CACNA2D3: variants seen among roughly 807,000 people sequenced by gnomAD.
CACNA2D3 encodes calcium voltage-gated channel auxiliary subunit alpha2delta 3.
CACNA2D3 carries 60 observed loss-of-function variants against 160.6 expected under a neutral mutation model. The ratio of observed to expected loss-of-function variants is 0.37; its 90% CI spans 0.30 to 0.46. The LOEUF (loss-of-function observed/expected upper bound fraction) is 0.46, where lower values mean the gene tolerates loss of function less well. CACNA2D3 is among the 20% of genes least tolerant of loss of function. CACNA2D3 has a pLI of 1.00. For synonymous variants in CACNA2D3, 558 were observed against 492.9 expected (o/e 1.13, Z -1.75); for missense variants, 1,205 against 1,365.0 (o/e 0.88, Z 1.85).
intron 2 of CACNA2D3, among the ~76,000 whole-genome samples, chr3:54,245,326 TGG>T (rs1358698408): frequency 2.0e-5 from 3 of 151,882 alleles, no homozygotes; most frequent in Admixed American, 1.3e-4. Flanking sequence ...TGTGTGTGTG[TGG>T]GAGAGAGAGA....
In CACNA2D3 at chr3:55,056,229, G is replaced by T. The variant is rs567198852; in HGVS notation, c.2988-17216G>T. 8.5e-5 allele frequency among the ~76,000 whole-genome samples: 13 copies of T among 152,142 alleles called. No homozygotes were observed. In the East Asian group the frequency reaches 1.7e-3, roughly 20 times the overall value. ...ATGTTCAATATTAGTAATCATCAGG[G>T]TTATACAAATTAAAATGACAATGAG... is the stretch of plus-strand genomic sequence containing the variant. On this transcript the variant is annotated intron_variant, in intron 35 of 37. Transcript: ENST00000474759.
intron 5 of CACNA2D3, among the ~76,000 whole-genome samples, chr3:54,518,272 G>T (rs565011318): frequency 6.6e-6 from 1 of 152,224 alleles, no homozygotes; most frequent in Non-Finnish European, 1.5e-5. Flanking sequence ...TGAGAGTTCC[G>T]TAAGGCCTGA....
intron 4 of CACNA2D3, among the ~76,000 whole-genome samples, chr3:54,465,572 G>T (rs1460777215): frequency 6.6e-6 from 1 of 152,102 alleles, no homozygotes; most frequent in Non-Finnish European, 1.5e-5. Flanking sequence ...TGTACTCTTG[G>T]TTTATGTTCT....
At chr3:54,841,256 G>A (rs556791943) in intron 16 of CACNA2D3, among the ~76,000 whole-genome samples, 1 of 152,268 alleles carries the variant, frequency 6.6e-6, no homozygotes, top group South Asian at 2.1e-4. Flanking sequence ...TTTTACTTAA[G>A]GATGCTTGAA....
chr3:54,717,841 G>T (rs1208404755), intron 11 of CACNA2D3, among the ~76,000 whole-genome samples: 1 of 142,166 alleles, frequency 7.0e-6, no homozygotes, highest in Non-Finnish European at 1.5e-5. Context: ...GTGTGCGTGA[G>T]TGTGTGTGTG....
intron 2 of CACNA2D3, among the ~76,000 whole-genome samples, chr3:54,290,332 A>C (rs865884024): frequency 6.6e-6 from 1 of 152,252 alleles, no homozygotes; most frequent in Non-Finnish European, 1.5e-5. Context: ...TGGCCATCAG[A>C]GAAATACAAA....
At chr3:54,259,638 A>G (rs1702368049) in intron 2 of CACNA2D3, among the ~76,000 whole-genome samples, 3 of 152,296 alleles carry the variant, frequency 2.0e-5, no homozygotes, top group South Asian at 2.1e-4. Flanking sequence ...GGCTCATACC[A>G]TCATCTCTGG....
At chr3:55,037,273 C>G (rs1703842365) in intron 35 of CACNA2D3, among the ~76,000 whole-genome samples, 1 of 152,206 alleles carries the variant, frequency 6.6e-6, no homozygotes, top group African/African-American at 2.4e-5. Flanking sequence ...ATTGTGTGTT[C>G]TGGGCCACGA....
intron 2 of CACNA2D3, among the ~76,000 whole-genome samples, chr3:54,255,975 T>C (rs959219114): frequency 2.6e-5 from 4 of 151,536 alleles, no homozygotes; most frequent in African/African-American, 9.7e-5. Context: ...GGGTGGGCAA[T>C]GAGACACATA....
rs1237011446 is a variant in CACNA2D3 at position 54,149,879 on chromosome 3, ATCTGTC to A, written c.204+26289_204+26294del. On this transcript the variant is annotated intron_variant, in intron 2 of 37. Transcript: ENST00000474759. Reference sequence around the variant, plus strand: ...GTAACAGAGAGGGCTGTCCTGAAGTATCTGTCTCTCTCTCTCTCTCTCTCTCTCTCT... The same window carrying A: ...GTAACAGAGAGGGCTGTCCTGAAGTATCTCTCTCTCTCTCTCTCTCTCTCT... Among the ~76,000 whole-genome samples, 63 of 91,184 alleles carry A rather than the reference ATCTGTC, an allele frequency of 6.9e-4. 4 individuals carry two copies. In the East Asian group the frequency reaches 0.015, roughly 22 times the overall value. 59.8% of individuals were successfully genotyped at this position (91,184 alleles called of 152,430 possible).
intron 2 of CACNA2D3, among the ~76,000 whole-genome samples, chr3:54,204,280 T>C (rs373628711): frequency 1.3e-5 from 2 of 152,112 alleles, no homozygotes; most frequent in Non-Finnish European, 2.9e-5. Flanking sequence ...CATATATATA[T>C]ACACATACAC....
At chr3:54,136,785 C>T (rs890269265) in intron 2 of CACNA2D3, among the ~76,000 whole-genome samples, 1 of 152,210 alleles carries the variant, frequency 6.6e-6, no homozygotes, top group Non-Finnish European at 1.5e-5. Flanking sequence ...TGTTAAGATG[C>T]ATTATTTCAG....
At chr3:54,335,530 G>A (rs567962624) in intron 3 of CACNA2D3, among the ~76,000 whole-genome samples, 3 of 152,234 alleles carry the variant, frequency 2.0e-5, no homozygotes, top group Non-Finnish European at 2.9e-5. Context: ...GGTCACTCTC[G>A]TTGCCGTTTT....
At chr3:54,555,340 C>A (rs980235253) in intron 5 of CACNA2D3, among the ~76,000 whole-genome samples, 1 of 152,062 alleles carries the variant, frequency 6.6e-6, no homozygotes, top group Admixed American at 6.5e-5. Flanking sequence ...GAACATGTAA[C>A]TAAAATACAG....
chr3:54,269,811 GTTGT>G (rs1467695322), intron 2 of CACNA2D3, among the ~76,000 whole-genome samples: 2 of 152,142 alleles, frequency 1.3e-5, no homozygotes, highest in Admixed American at 6.5e-5. Context: ...CTTGTTTTTT[GTTGT>G]TTGTTTGTTT....
intron 6 of CACNA2D3, among the ~76,000 whole-genome samples, chr3:54,568,910 A>T (rs532222503): frequency 2.0e-5 from 3 of 152,184 alleles, no homozygotes; most frequent in Non-Finnish European, 4.4e-5. Context: ...GGCCATTGTT[A>T]ATCGGAAAAA....
At chr3:54,656,560 A>G (rs1369487338) in intron 11 of CACNA2D3, among the ~76,000 whole-genome samples, 4 of 152,170 alleles carry the variant, frequency 2.6e-5, no homozygotes, top group Non-Finnish European at 5.9e-5. Flanking sequence ...CAAGAAGGGG[A>G]GCTGAGCAGC....
chr3:54,907,814 G>A (rs952797744), intron 27 of CACNA2D3, among the ~76,000 whole-genome samples: 5 of 152,206 alleles, frequency 3.3e-5, no homozygotes, highest in African/African-American at 4.8e-5. Context: ...CAGATAAATG[G>A]AATCATGTAA....
chr3:54,307,597 C>T (rs1703642439), intron 2 of CACNA2D3, among the ~76,000 whole-genome samples: 1 of 152,182 alleles, frequency 6.6e-6, no homozygotes, highest in Non-Finnish European at 1.5e-5. Context: ...TAGGGTCCAG[C>T]TGTGCCATAA....
Sources: gnomAD v4.1 joint callset for allele counts (sites outside exome capture counted in the v4.1 genomes callset) on GRCh38, gnomAD v4.1.1 for gene constraint, MANE v1.5 for transcripts, NCBI Gene and HGNC (gene_info 2026-07-23, HGNC 2026-07-21) for gene names.